ACO2: variants seen among roughly 807,000 people sequenced by gnomAD.
ACO2 encodes aconitase 2.
A neutral mutation model predicts 84.5 loss-of-function variants in ACO2; 31 were observed. The observed-to-expected ratio is 0.37, with a 90% confidence interval of 0.28 to 0.50. The LOEUF is 0.50. ACO2 is among the 20% of genes least tolerant of loss of function. ACO2 has a pLI of 0.97. For missense variants in ACO2, 685 were observed against 1,029.3 expected, an observed-to-expected ratio of 0.67 and a Z score of 4.58; for synonymous variants, 414 against 412.7, an observed-to-expected ratio of 1.00 and a Z score of -0.04.
At chr22:41,517,501 A>G (rs766473354) in intron 6 of ACO2, 26 bp from the exon 7 acceptor site, 25 of 1,605,392 alleles carry the variant, frequency 1.6e-5, no homozygotes, top group East Asian at 4.5e-5. Context: ...CCACCAGCCA[A>G]TGCCCGGGGC....
At chr22:41,484,394 G>T (rs2038126131) in intron 1 of ACO2, among the ~76,000 whole-genome samples, 1 of 152,144 alleles carries the variant, frequency 6.6e-6, no homozygotes, top group Non-Finnish European at 1.5e-5. Context: ...AAGATATCCT[G>T]TACCAGGCCA....
In ACO2 at chr22:41,474,622, G is replaced by A. The variant is rs1485803734; in HGVS notation, c.36+5440G>A. On this transcript the variant is annotated intron_variant, in intron 1 of 17. Transcript: ENST00000216254. ...TTTTTTTTTTTTTTTTTTTTGAGAC[G>A]GAGTCTCACTCTGTCACCCAGGCTG... Among the ~76,000 whole-genome samples, 530 of 83,830 alleles carry A rather than the reference G, an allele frequency of 6.3e-3. 7 individuals are homozygous for A. The highest frequency in any genetic ancestry group is 0.034 in the Middle Eastern group (3 of 88). The allele number at this position is 83,830 out of a possible 152,430, so 55.0% of individuals were successfully genotyped here.
rs576771506 is a variant in ACO2, at chr22:41,519,577, G to A, written c.1033-594G>A. On this transcript the variant is annotated intron_variant, in intron 8 of 17. Transcript: ENST00000216254. ...TCCCAGCACTTTGGGAGGCCGAGGC[G>A]GGCAGATCATGAGGTCAGGAGATTG... 1.5e-3 allele frequency among the ~76,000 whole-genome samples: 235 copies of A among 152,134 alleles called. 3 individuals carry two copies. Among genetic ancestry groups the A allele is most frequent in the Non-Finnish European group, 7.9e-4 (54 of 67,992 alleles).
chr22:41,500,101 G>C (rs2066343324), intron 2 of ACO2, among the ~76,000 whole-genome samples: 2 of 151,978 alleles, frequency 1.3e-5, no homozygotes, highest in Admixed American at 1.3e-4. Flanking sequence ...CCACAGCCAG[G>C]TCTCTGAGAC....
At chr22:41,504,182 C>G (rs1359003714) in intron 2 of ACO2, among the ~76,000 whole-genome samples, 1 of 152,252 alleles carries the variant, frequency 6.6e-6, no homozygotes, top group Non-Finnish European at 1.5e-5. Flanking sequence ...CACCACAGCA[C>G]TCCAGCCAGA....
At chr22:41,523,972 G>C in intron 12 of ACO2, 31 bp downstream of exon 12, 1 of 1,601,446 alleles carries the variant, frequency 6.2e-7, no homozygotes, top group Non-Finnish European at 8.5e-7. Flanking sequence ...ACAAGCCTGG[G>C]ATGGCCTCTG....
chr22:41,505,747 A>G lies in ACO2; in HGVS notation c.174-2044A>G, dbSNP rs77499188. ...GCTGGTCTCTAGTGACAGAAAGCCA[A>G]TCAGTAGTGGCAAAGGGGCGGGAGG... On this transcript the variant is annotated intron_variant, in intron 2 of 17. Transcript: ENST00000216254. Among the ~76,000 whole-genome samples the G allele has an allele frequency of 3.0e-3, 455 of 152,234 alleles. 3 individuals are homozygous for G. Among genetic ancestry groups the G allele is most frequent in the African/African-American group, 0.01 (430 of 41,526 alleles).
intron 1 of ACO2, among the ~76,000 whole-genome samples, chr22:41,481,275 A>C (rs1312599757): frequency 1.3e-5 from 2 of 152,036 alleles, no homozygotes; most frequent in African/African-American, 4.8e-5. Flanking sequence ...CTTGTCTTGG[A>C]GTGTTTCCAT....
intron 1 of ACO2, among the ~76,000 whole-genome samples, chr22:41,486,469 ATTTTT>A (rs1186941362): frequency 2.9e-5 from 3 of 104,490 alleles, no homozygotes; most frequent in African/African-American, 7.4e-5. Context: ...AACTTTTTGT[ATTTTT>A]TTTTTTTTTT....
At chr22:41,505,866 G>A (rs1484924186) in intron 2 of ACO2, among the ~76,000 whole-genome samples, 1 of 152,084 alleles carries the variant, frequency 6.6e-6, no homozygotes, top group Non-Finnish European at 1.5e-5. Flanking sequence ...TCAAAACTTA[G>A]CAAATTGTGT....
chr22:41,522,964 G>A lies in ACO2; in HGVS notation c.1273G>A (p.Ala425Thr), dbSNP rs147361669. ...TITPGSEQIR[A>T]TIERDGYAQI... The stretch of plus-strand genomic sequence containing the variant: ...CACTCCAGGTTCCGAGCAGATCCGC[G>A]CCACCATTGAGCGGGACGGCTATGT... The change falls in exon 10 of 18, where the codon GCC becomes ACC. Residue 425 changes from alanine to threonine, a missense_variant. Ala to Thr is a moderately conservative substitution (Grantham distance 58, BLOSUM62 0). Around this residue, in one of 5 missense-constraint regions of ACO2, gnomAD observed 311 missense variants for 441.6 expected, o/e 0.70. Transcript: ENST00000216254. The A allele has an allele frequency of 7.4e-6, 12 of 1,614,066 alleles. No individual in the cohort carries two copies. The African/African-American group carries it at 1.2e-4, about 16-fold the overall frequency.
At position 41,528,622 on chromosome 22, in the gene ACO2, C is replaced by T. The variant is rs762835753; in HGVS notation, c.*9C>T. On this transcript the variant is annotated 3_prime_UTR_variant, in exon 18 of 18. Coordinates refer to ENST00000216254, the MANE Select transcript of ACO2 (RefSeq NM_001098.3). ...AGGAACTGCAACAGTGAGGGCAGTG[C>T]CTCCCCGCCCCGCCGCTGGCGTCAA... 1.3e-6 allele frequency: 2 copies of T among 1,541,762 alleles called. No individual in the cohort carries two copies. The highest frequency in any genetic ancestry group is 1.8e-5 in the Admixed American group (1 of 54,298).
chr22:41,522,672 A>G (rs930372679), intron 9 of ACO2, among the ~76,000 whole-genome samples, 158 bp from the exon 10 acceptor site: 1 of 152,128 alleles, frequency 6.6e-6, no homozygotes, highest in Non-Finnish European at 1.5e-5. Context: ...TTATTGTTGG[A>G]TATTTCGGTT....
intron 2 of ACO2, among the ~76,000 whole-genome samples, chr22:41,504,783 G>A (rs917822302): frequency 6.9e-6 from 1 of 145,236 alleles, no homozygotes; most frequent in Non-Finnish European, 1.5e-5. Context: ...GAGTGCAGTG[G>A]TTCGATCATG....
chr22:41,486,469 A>ATTTTT (rs1186941362), intron 1 of ACO2, among the ~76,000 whole-genome samples: 1 of 104,490 alleles, frequency 9.6e-6, no homozygotes, highest in African/African-American at 3.7e-5. Context: ...AACTTTTTGT[A>ATTTTT]TTTTTTTTTT....
chr22:41,511,976 T>G lies in ACO2; in HGVS notation c.525+8T>G. 1 of 1,604,328 alleles carries G rather than the reference T, an allele frequency of 6.2e-7. No individual in the cohort carries two copies. The highest frequency in any genetic ancestry group is 1.7e-5 in the Admixed American group (1 of 58,922). On this transcript the variant is annotated splice_region_variant and intron_variant, in intron 4 of 17. Coordinates refer to ENST00000216254, the MANE Select transcript of ACO2 (RefSeq NM_001098.3). The stretch of plus-strand genomic sequence containing the variant: ...TCTGGAATCATTCACCAGGTAAAGC[T>G]GGGCTCAGTCTGCCGTCCCAAGGGC...
intron 14 of ACO2, 91 bp downstream of exon 14, chr22:41,525,439 G>T (rs542544121): frequency 8.5e-5 from 129 of 1,518,212 alleles, no homozygotes; most frequent in Admixed American, 1.1e-4. Context: ...TGGAGGAAGT[G>T]AGCACAGTCA....
At chr22:41,494,448 G>C (rs901419465) in intron 1 of ACO2, among the ~76,000 whole-genome samples, 3 of 132,220 alleles carry the variant, frequency 2.3e-5, no homozygotes, top group African/African-American at 8.6e-5. Context: ...TTTCGCTCTT[G>C]TTGCCTAGGC....
At chr22:41,479,317 C>G (rs148019665) in intron 1 of ACO2, among the ~76,000 whole-genome samples, 1 of 152,194 alleles carries the variant, frequency 6.6e-6, no homozygotes, top group Non-Finnish European at 1.5e-5. Flanking sequence ...CAATCAGGCC[C>G]TCTGTGCCAG....
Sources: gnomAD v4.1 joint callset for allele counts (sites outside exome capture counted in the v4.1 genomes callset) on GRCh38, gnomAD v4.1.1 for gene constraint, gnomAD v4.1.1 regional missense constraint, MANE v1.5 for transcripts, NCBI Gene and HGNC (gene_info 2026-07-23, HGNC 2026-07-21) for gene names.